Variants in NRROS observed in about 807,000 individuals in gnomAD.
NRROS encodes the protein transforming growth factor beta activator LRRC33.
Under a neutral mutation model 12.0 loss-of-function variants are expected in NRROS, and 6 were observed. The observed-to-expected ratio is 0.50, with a 90% CI of 0.27 to 0.98. The LOEUF is 0.98. Among genes scored for constraint, NRROS ranks in the 50% least tolerant of loss-of-function variants. The probability of loss-of-function intolerance (pLI) is 0.11; values close to 1 mark genes in which losing one functional copy is unlikely to be tolerated. For synonymous variants in NRROS, 462 were observed against 410.2 expected, an observed-to-expected ratio of 1.13 and a Z score of -1.53; for missense variants, 857 against 888.2, an observed-to-expected ratio of 0.96 and a Z score of 0.45.
chr3:196,659,874 C>T lies in NRROS; in HGVS notation c.231C>T (p.Leu77=). The change falls in exon 3 of 3, where the codon CTC becomes CTT. Residue 77 remains leucine (L), a synonymous_variant. Coordinates refer to ENST00000328557, the MANE Select transcript of NRROS (RefSeq NM_198565.3). The part of the protein sequence containing the change: ...NPLKTLWNHS[L]QPYPLLESLS... Reference sequence around the variant, plus strand: ...TCAAGACCCTGTGGAATCACTCCCTCCAGCCTTACCCTCTCCTGGAGAGCC... The same window carrying T: ...TCAAGACCCTGTGGAATCACTCCCTTCAGCCTTACCCTCTCCTGGAGAGCC... 1 of 1,614,150 alleles carries T rather than the reference C, an allele frequency of 6.2e-7. No individual in the cohort carries two copies. Among genetic ancestry groups the T allele is most frequent in the Non-Finnish European group, 8.5e-7 (1 of 1,180,002 alleles).
chr3:196,660,203 A>T lies in NRROS; in HGVS notation c.560A>T (p.Asp187Val), dbSNP rs1190557529. 4 of 1,613,336 alleles carry T rather than the reference A, an allele frequency of 2.5e-6. No homozygotes were observed. The highest frequency in any genetic ancestry group is 3.4e-6 in the Non-Finnish European group (4 of 1,180,034). Reference protein sequence around the residue: ...FEGLERLRELDLQRNYIFEIE... With the variant: ...FEGLERLRELVLQRNYIFEIE... The stretch of plus-strand genomic sequence containing the variant: ...GGCCTGGAGCGTCTCCGGGAGCTGG[A>T]TCTGCAGAGGAACTACATCTTCGAG... Residue 187 changes from aspartate (D) to valine (V), a missense_variant, in exon 3 of 3, where the codon GAT (aspartate) becomes GTT (valine). By Grantham distance (152) the Asp-to-Val change is radical (BLOSUM62 -3). Transcript: ENST00000328557. This position sits in a 1 kb window ranked among gnomAD's most constrained non-coding sequence, Gnocchi z 7.7.
chr3:196,661,217 C>T lies in NRROS; in HGVS notation c.1574C>T (p.Ser525Phe), dbSNP rs751238434. The T allele has an allele frequency of 6.2e-7, 1 of 1,613,962 alleles. No homozygotes were observed. The highest frequency in any genetic ancestry group is 8.5e-7 in the Non-Finnish European group (1 of 1,179,982). ...VLSLRNMGLH[S>F]SFMALDFSGF... ...TCTCTCAGGAACATGGGCCTCCACT[C>T]CAGCTTTATGGCGTTGGACTTCTCT... Residue 525 changes from serine (S) to phenylalanine (F), a missense_variant, in exon 3 of 3, where the codon TCC becomes TTC. Ser to Phe is a radical substitution (Grantham distance 155, BLOSUM62 -2). Transcript: ENST00000328557.
At chr3:196,644,562 C>G (rs1737269314) in intron 1 of NRROS, among the ~76,000 whole-genome samples, 1 of 151,462 alleles carries the variant, frequency 6.6e-6, no homozygotes, top group Non-Finnish European at 1.5e-5. Context: ...AGTTTGAGAC[C>G]AGTCTGGCCA....
rs1211088143 is a variant in NRROS at position 196,660,372 on chromosome 3, G to A, written c.729G>A (p.Ala243=). 1.2e-6 allele frequency: 2 copies of A among 1,613,864 alleles called. No homozygotes were observed. The highest frequency in any genetic ancestry group is 1.7e-6 in the Non-Finnish European group (2 of 1,179,998). ...ACAACGTCCTGGAGTGGTTCCTCGCGACCGGGGGAGAGGCTGCCTTCGAGC... is the reference window on the plus strand; with the variant it reads ...ACAACGTCCTGGAGTGGTTCCTCGCAACCGGGGGAGAGGCTGCCTTCGAGC... ...VSYNVLEWFL[A]TGGEAAFELE... The change falls in exon 3 of 3, where the codon GCG becomes GCA. Residue 243 remains alanine, a synonymous_variant. Coordinates refer to ENST00000328557, the MANE Select transcript of NRROS (RefSeq NM_198565.3). This position sits in a 1 kb window ranked among gnomAD's most constrained non-coding sequence, Gnocchi z 7.7.
chr3:196,657,497 G>A (rs182029086), intron 2 of NRROS, among the ~76,000 whole-genome samples: 5 of 152,160 alleles, frequency 3.3e-5, no homozygotes, highest in Non-Finnish European at 7.4e-5. Context: ...CAAGGCAGGT[G>A]GATCACCCGA....
At chr3:196,658,841 G>GGC (rs1560055688) in intron 2 of NRROS, among the ~76,000 whole-genome samples, 2 of 151,988 alleles carry the variant, frequency 1.3e-5, no homozygotes, top group African/African-American at 2.4e-5. Context: ...GTGGTGGCAT[G>GGC]TGCCTGTAAT....
At chr3:196,653,143 C>T (rs1221375794) in intron 1 of NRROS, among the ~76,000 whole-genome samples, 1 of 152,120 alleles carries the variant, frequency 6.6e-6, no homozygotes, top group Non-Finnish European at 1.5e-5. Flanking sequence ...CCTGTGCCGG[C>T]CACAAGGCAA....
rs141921811 is a variant in NRROS at position 196,660,828 on chromosome 3, G to A, written c.1185G>A (p.Pro395=). 15 of 1,613,480 alleles carry A rather than the reference G, an allele frequency of 9.3e-6. No homozygotes were observed. The highest frequency in any genetic ancestry group is 6.7e-5 in the Admixed American group (4 of 60,008). The change falls in exon 3 of 3, where the codon CCG becomes CCA. Residue 395 remains proline (P), a synonymous_variant. Coordinates refer to ENST00000328557, the MANE Select transcript of NRROS (RefSeq NM_198565.3). This position sits in a 1 kb window ranked among gnomAD's most constrained non-coding sequence, Gnocchi z 7.7. ...AGCTGTCGGAGCTGCACCTGGCTCCGGGGCTGGCCAGCTGCCTGGGCAGCC... is the reference window on the plus strand; with the variant it reads ...AGCTGTCGGAGCTGCACCTGGCTCCAGGGCTGGCCAGCTGCCTGGGCAGCC... ...HNQLSELHLA[P]GLASCLGSLR...
chr3:196,659,378 G>A (rs1049292048), intron 2 of NRROS, among the ~76,000 whole-genome samples: 1 of 148,226 alleles, frequency 6.7e-6, no homozygotes, highest in South Asian at 2.1e-4. Context: ...GTGCAGTCTC[G>A]GCTCACTGCA....
At chr3:196,640,806 C>T (rs1737193646) in intron 1 of NRROS, among the ~76,000 whole-genome samples, 3 of 151,628 alleles carry the variant, frequency 2.0e-5, no homozygotes, top group South Asian at 2.1e-4. Flanking sequence ...GGAGCCTCTC[C>T]GGACAGGGCT....
rs893216442 is a variant in NRROS at position 196,659,895 on chromosome 3, G to C, written c.252G>C (p.Glu84Asp). The C allele has an allele frequency of 1.9e-6, 3 of 1,614,128 alleles. No homozygotes were observed. The highest frequency in any genetic ancestry group is 1.6e-4 in the Middle Eastern group (1 of 6,062). Residue 84 changes from glutamate (E) to aspartate (D), a missense_variant, in exon 3 of 3, where the codon GAG (glutamate) becomes GAC (aspartate). Coordinates refer to ENST00000328557, the MANE Select transcript of NRROS (RefSeq NM_198565.3). Reference sequence around the variant, plus strand: ...CCCTCCAGCCTTACCCTCTCCTGGAGAGCCTCAGCCTGCACAGCTGCCACC... The same window carrying C: ...CCCTCCAGCCTTACCCTCTCCTGGACAGCCTCAGCCTGCACAGCTGCCACC... ...NHSLQPYPLLESLSLHSCHLE... is the reference protein window; with the variant it reads ...NHSLQPYPLLDSLSLHSCHLE...
At chr3:196,649,519 T>C (rs1737376558) in intron 1 of NRROS, among the ~76,000 whole-genome samples, 1 of 152,146 alleles carries the variant, frequency 6.6e-6, no homozygotes, top group African/African-American at 2.4e-5. Context: ...TCGCCCAGGC[T>C]GGAGTGCAGT....
At chr3:196,653,259 G>A (rs943463707) in intron 1 of NRROS, among the ~76,000 whole-genome samples, 14 of 152,344 alleles carry the variant, frequency 9.2e-5, no homozygotes, top group African/African-American at 3.4e-4. Context: ...GTAGTAAGGG[G>A]AGTTGGCCTG....
In NRROS at chr3:196,644,126, T is replaced by C. The variant is rs568761037; in HGVS notation, c.-14+4251T>C. On this transcript the variant is annotated intron_variant, in intron 1 of 2. Coordinates refer to ENST00000328557, the MANE Select transcript of NRROS (RefSeq NM_198565.3). ...GCTTCCATTCAGCTTCTCATCTCCT[T>C]CCAAATCCCCAGTTTTCTTCTAGGC... Among the ~76,000 whole-genome samples, 4 of 152,260 alleles carry C rather than the reference T, an allele frequency of 2.6e-5. No homozygotes were observed. In the East Asian group the frequency reaches 7.7e-4, roughly 29 times the overall value.
intron 2 of NRROS, among the ~76,000 whole-genome samples, chr3:196,659,488 C>T (rs547570410): frequency 2.0e-5 from 3 of 151,832 alleles, no homozygotes; most frequent in Non-Finnish European, 4.4e-5. Context: ...TTTGTATTTC[C>T]TGTAGAGACA....
rs371350966 is a variant in NRROS at position 196,661,769 on chromosome 3, C to T, written c.*47C>T. 477 of 1,477,224 alleles carry T rather than the reference C, an allele frequency of 3.2e-4. No individual in the cohort carries two copies. Among genetic ancestry groups the T allele is most frequent in the Non-Finnish European group, 4.2e-4 (462 of 1,100,824 alleles). The allele number at this position is 1,477,224 out of a possible 1,614,324, so 91.5% of individuals were successfully genotyped here. A position where few individuals can be genotyped will look rare whatever the true frequency, so the allele number is the denominator to read the frequency against. ...GAAATTCGGTCCGCACACAACAGGA[C>T]ACTTTCTCTGCCAGCTTTCAAGATG... On this transcript the variant is annotated 3_prime_UTR_variant, in exon 3 of 3. Transcript: ENST00000328557.
chr3:196,661,833 T>A lies in NRROS; in HGVS notation c.*111T>A. The A allele has an allele frequency of 1.1e-6, 1 of 945,194 alleles. No individual in the cohort carries two copies. The highest frequency in any genetic ancestry group is 1.5e-6 in the Non-Finnish European group (1 of 656,318). 58.6% of individuals were successfully genotyped at this position (945,194 alleles called of 1,614,324 possible). On this transcript the variant is annotated 3_prime_UTR_variant, in exon 3 of 3. Transcript: ENST00000328557. ...AAGTCTGACGAATTGAAGTTTCAAT[T>A]AAAATTTAATATGTTTCCATTCCTC...
chr3:196,640,860 C>T (rs190916089), intron 1 of NRROS, among the ~76,000 whole-genome samples: 72 of 152,248 alleles, frequency 4.7e-4, no homozygotes, highest in African/African-American at 1.6e-3. Flanking sequence ...GGGACCCCAC[C>T]GGAGGCTTCT....
At chr3:196,655,359 A>G (rs1019647994) in intron 2 of NRROS, among the ~76,000 whole-genome samples, 2 of 151,842 alleles carry the variant, frequency 1.3e-5, no homozygotes, top group African/African-American at 4.8e-5. Context: ...ACATGGTGAA[A>G]CCCCGTCTCT....
Sources: gnomAD v4.1 joint callset for allele counts (sites outside exome capture counted in the v4.1 genomes callset) on GRCh38, gnomAD v4.1.1 for gene constraint, Gnocchi (gnomAD v3.1) non-coding constraint, MANE v1.5 for transcripts, NCBI Gene and HGNC (gene_info 2026-07-23, HGNC 2026-07-21) for gene names.